BCAR3: variants seen among roughly 807,000 people sequenced by gnomAD.
BCAR3 encodes breast cancer anti-estrogen resistance protein 3.
BCAR3 carries 37 observed loss-of-function variants against 80.1 expected under a neutral mutation model. The observed-to-expected ratio is 0.46, with a 90% CI of 0.36 to 0.61. BCAR3 has a LOEUF of 0.61. Ranked by LOEUF, BCAR3 falls within the 20% of genes least tolerant of loss-of-function variation. BCAR3 has a pLI of 0.00. For missense variants in BCAR3, 978 were observed against 1,068.2 expected (o/e 0.92, Z 1.18); for synonymous variants, 389 against 418.9 (o/e 0.93, Z 0.87).
chr1:93,666,102 A>G (rs1421136777), intron 2 of BCAR3, among the ~76,000 whole-genome samples: 1 of 152,140 alleles, frequency 6.6e-6, no homozygotes, highest in Non-Finnish European at 1.5e-5. Flanking sequence ...CTCCACAGGG[A>G]GACAAAGCAA....
upstream of BCAR3, chr1:93,847,789 G>A (rs1381681406): frequency 1.7e-5 from 2 of 115,218 alleles, no homozygotes; most frequent in African/African-American, 7.0e-5. Flanking sequence ...GGTTCTTGCG[G>A]TCCTTTCTTA....
intron 3 of BCAR3, among the ~76,000 whole-genome samples, chr1:93,696,589 G>C (rs13373766): frequency 6.6e-6 from 1 of 151,918 alleles, no homozygotes; most frequent in Admixed American, 6.6e-5. Flanking sequence ...TCTCCATTCT[G>C]TCTTCCATGC....
intron 7 of BCAR3, among the ~76,000 whole-genome samples, chr1:93,581,492 C>G (rs1052045297): frequency 6.6e-6 from 1 of 151,762 alleles, no homozygotes; most frequent in Non-Finnish European, 1.5e-5. Flanking sequence ...CTCACCACAA[C>G]CTCCGCCTCC....
At chr1:93,669,254 A>C (rs1309778973) in intron 2 of BCAR3, among the ~76,000 whole-genome samples, 1 of 152,190 alleles carries the variant, frequency 6.6e-6, no homozygotes, top group African/African-American at 2.4e-5. Context: ...ATGGTTCTGA[A>C]GAGGAATAAC....
At chr1:93,796,298 A>T (rs1399981477) in intron 2 of BCAR3, among the ~76,000 whole-genome samples, 10 of 133,286 alleles carry the variant, frequency 7.5e-5, no homozygotes, top group East Asian at 2.3e-4. Flanking sequence ...CTGTGCTAGC[A>T]ATCAGCGAGA....
At chr1:93,709,754 G>T (rs1397636820) in intron 2 of BCAR3, among the ~76,000 whole-genome samples, 1 of 152,106 alleles carries the variant, frequency 6.6e-6, no homozygotes, top group African/African-American at 2.4e-5. Flanking sequence ...CAATCTATAG[G>T]ATTGTAGATT....
At chr1:93,672,398 T>TA (rs1223669472) in intron 2 of BCAR3, among the ~76,000 whole-genome samples, 1 of 145,674 alleles carries the variant, frequency 6.9e-6, no homozygotes, top group African/African-American at 2.6e-5. Flanking sequence ...CTTCAAGGAG[T>TA]AAGTCTATAA....
At chr1:93,844,396 A>C (rs1035775347) in intron 2 of BCAR3, among the ~76,000 whole-genome samples, 3 of 152,240 alleles carry the variant, frequency 2.0e-5, no homozygotes, top group African/African-American at 4.8e-5. Context: ...GATGTGCTGC[A>C]ATCAGCCTAA....
chr1:93,787,020 C>A (rs1219364258), intron 2 of BCAR3, among the ~76,000 whole-genome samples: 1 of 152,206 alleles, frequency 6.6e-6, no homozygotes, highest in Non-Finnish European at 1.5e-5. Context: ...TCTTTTGCAC[C>A]TAAGAATCAC....
chr1:93,620,514 C>A lies in BCAR3; in HGVS notation c.357+21790G>T, dbSNP rs540576676. Among the ~76,000 whole-genome samples the A allele has an allele frequency of 5.9e-5, 9 of 152,260 alleles. No individual in the cohort carries two copies. The East Asian group carries it at 1.6e-3, about 26-fold the overall frequency. ...TGTCTGAGCCAATCTGACTGGGGAT[C>A]CTGTGGGCCCCCTCTGCCTATGGGG... On this transcript the variant is annotated intron_variant, in intron 3 of 11. Coordinates refer to ENST00000260502, the MANE Select transcript of BCAR3 (RefSeq NM_003567.4).
intron 2 of BCAR3, among the ~76,000 whole-genome samples, chr1:93,743,634 G>T (rs1034543752): frequency 6.6e-6 from 1 of 152,202 alleles, no homozygotes; most frequent in African/African-American, 2.4e-5. Context: ...AGCACATGGT[G>T]TTTTCCCAGG....
At position 93,592,203 on chromosome 1, in the gene BCAR3, C is replaced by A; in HGVS notation, c.486+62G>T. On this transcript the variant is annotated intron_variant, in intron 4 of 11. Coordinates refer to ENST00000260502, the MANE Select transcript of BCAR3 (RefSeq NM_003567.4). The surrounding 1 kb of genome is among the most constrained non-coding windows in gnomAD (Gnocchi z 4.8). Reference sequence around the variant, plus strand: ...GGCCTCGGAGTGGGACCCTGCGGGTCATCAATCTGTACATTGCCTGAGAGC... The same window carrying A: ...GGCCTCGGAGTGGGACCCTGCGGGTAATCAATCTGTACATTGCCTGAGAGC... The A allele has an allele frequency of 1.2e-6, 2 of 1,602,344 alleles. No homozygotes were observed. Among genetic ancestry groups the A allele is most frequent in the South Asian group, 2.2e-5 (2 of 90,036 alleles).
At chr1:93,846,214 C>CT (rs1285606965) in intron 1 of BCAR3, among the ~76,000 whole-genome samples, 1 of 152,226 alleles carries the variant, frequency 6.6e-6, no homozygotes, top group Non-Finnish European at 1.5e-5. Flanking sequence ...TCTTTGAACT[C>CT]TGCCAGAGAC....
chr1:93,686,516 A>G (rs1397927608), upstream of BCAR3, among the ~76,000 whole-genome samples: 1 of 152,264 alleles, frequency 6.6e-6, no homozygotes. Flanking sequence ...GTGCTTTACA[A>G]GCTTTAAGCC....
intron 3 of BCAR3, chr1:93,605,549 C>T (rs144381319): frequency 1.1e-4 from 16 of 152,270 alleles, no homozygotes; most frequent in East Asian, 7.7e-4. Context: ...TAAGGCAGAC[C>T]CTAATAAAAG....
Position 93,567,508 on chromosome 1 carries a change from A to AGAGTT in BCAR3, c.2087-22_2087-18dup, listed in dbSNP as rs1673005328. The AGAGTT allele has an allele frequency of 3.1e-6, 5 of 1,610,764 alleles. No individual in the cohort carries two copies. Among genetic ancestry groups the AGAGTT allele is most frequent in the Middle Eastern group, 3.3e-4 (2 of 6,050 alleles). ...ATGTGGACTCTGAAGAATAAGGAGTAGAGTTTTCCATATCACATGTTTTCC... is the reference window on the plus strand; with the variant it reads ...ATGTGGACTCTGAAGAATAAGGAGTAGAGTTGAGTTTTCCATATCACATGTTTTCC... On this transcript the variant is annotated splice_polypyrimidine_tract_variant and intron_variant, in intron 10 of 11. Transcript: ENST00000260502.
intron 2 of BCAR3, among the ~76,000 whole-genome samples, chr1:93,790,701 G>A (rs1209043689): frequency 1.1e-5 from 1 of 87,118 alleles, no homozygotes; most frequent in East Asian, 4.0e-4. Context: ...TGTGCACATT[G>A]TGCAGGTTAG....
At position 93,644,427 on chromosome 1, in the gene BCAR3, C is replaced by T. The variant is rs190869629; in HGVS notation, c.318-2084G>A. 7.9e-5 allele frequency among the ~76,000 whole-genome samples: 12 copies of T among 152,348 alleles called. No homozygotes were observed. The East Asian group carries it at 1.9e-3, about 24-fold the overall frequency. On this transcript the variant is annotated intron_variant, in intron 2 of 11. Coordinates refer to ENST00000260502, the MANE Select transcript of BCAR3 (RefSeq NM_003567.4). Reference sequence around the variant, plus strand: ...GTCAACCAGAAAATGTTTAAATTCACCTACAGCCTGGAAGCCCCTGCTTTG... The same window carrying T: ...GTCAACCAGAAAATGTTTAAATTCATCTACAGCCTGGAAGCCCCTGCTTTG...
chr1:93,640,956 TAA>T (rs1167591197), intron 3 of BCAR3, among the ~76,000 whole-genome samples: 4 of 152,226 alleles, frequency 2.6e-5, no homozygotes, highest in Non-Finnish European at 4.4e-5. Flanking sequence ...CATTTTTTGT[TAA>T]GTCATATCAC....
Sources: gnomAD v4.1 joint callset for allele counts (sites outside exome capture counted in the v4.1 genomes callset) on GRCh38, gnomAD v4.1.1 for gene constraint, Gnocchi (gnomAD v3.1) non-coding constraint, MANE v1.5 for transcripts, NCBI Gene and HGNC (gene_info 2026-07-23, HGNC 2026-07-21) for gene names.